Variants in PCDH11X observed in about 807,000 individuals in gnomAD.
PCDH11X encodes the protein protocadherin-11 X-linked.
PCDH11X carries 18 observed loss-of-function variants against 53.3 expected under a neutral mutation model. The observed-to-expected ratio is 0.34, with a 90% CI of 0.23 to 0.50. The LOEUF is 0.50. Among genes scored for constraint, PCDH11X ranks in the 20% least tolerant of loss-of-function variants. The pLI is 0.98. For synonymous variants in PCDH11X, 279 were observed against 393.3 expected (o/e 0.71, Z 3.44); for missense variants, 570 against 1,032.4 (o/e 0.55, Z 6.14).
At chrX:92,497,180 T>C (rs1680109643) in intron 10 of PCDH11X, among the ~76,000 whole-genome samples, 2 of 109,113 alleles carry the variant, frequency 1.8e-5, no homozygotes, top group South Asian at 8.0e-4. Context: ...TTACTAAGTG[T>C]AGGGGAAATT....
chrX:92,462,573 C>A (rs1300794217), intron 9 of PCDH11X, among the ~76,000 whole-genome samples: 2 of 109,989 alleles, frequency 1.8e-5, no homozygotes, highest in Non-Finnish European at 3.8e-5. Flanking sequence ...ATTTTCTTTG[C>A]CAAACTGAAG....
chrX:91,960,429 T>C (rs1442017423), intron 6 of PCDH11X, among the ~76,000 whole-genome samples: 2 of 110,687 alleles, frequency 1.8e-5, no homozygotes, highest in African/African-American at 6.6e-5. Context: ...GTTTGTTTGT[T>C]GTTGTTGTTG....
At chrX:92,422,789 T>A (rs2072002816) in intron 9 of PCDH11X, among the ~76,000 whole-genome samples, 1 of 111,222 alleles carries the variant, frequency 9.0e-6, no homozygotes, top group African/African-American at 3.3e-5. Context: ...GTAAAAGTGT[T>A]CCCTTTTCAC....
At chrX:92,013,130 C>T (rs1351094618) in intron 6 of PCDH11X, among the ~76,000 whole-genome samples, 2 of 111,340 alleles carry the variant, frequency 1.8e-5, no homozygotes, top group African/African-American at 6.5e-5. Flanking sequence ...ATCTAGAATA[C>T]CCCATCGTCT....
intron 9 of PCDH11X, chrX:92,460,078 C>T: frequency 1.1e-5 from 11 of 993,447 alleles, no homozygotes; most frequent in Non-Finnish European, 1.6e-5. Context: ...CCTGAGGGCT[C>T]AGATCTTCGC....
intron 10 of PCDH11X, among the ~76,000 whole-genome samples, chrX:92,614,172 G>A (rs1456476834): frequency 9.1e-6 from 1 of 110,204 alleles, no homozygotes; most frequent in African/African-American, 3.3e-5. Context: ...TTGGTGGAGG[G>A]GTACTGCAAT....
chrX:92,292,478 A>G (rs1022908760), intron 8 of PCDH11X, among the ~76,000 whole-genome samples: 14 of 112,292 alleles, frequency 1.2e-4, no homozygotes, highest in Non-Finnish European at 7.5e-5. Flanking sequence ...TTTTATTGAA[A>G]GAATTCAGAA....
At chrX:91,875,182 T>C (rs1157383575) in intron 5 of PCDH11X, among the ~76,000 whole-genome samples, 1 of 110,332 alleles carries the variant, frequency 9.1e-6, no homozygotes, top group Non-Finnish European at 1.9e-5. Context: ...CAAGTAACAC[T>C]GGACAGGAAT....
rs181476267 is a variant in PCDH11X at position 92,485,680 on chromosome X, C to T, written c.3367+17358C>T. 1.4e-4 allele frequency among the ~76,000 whole-genome samples: 16 copies of T among 111,426 alleles called. No homozygotes were observed. The Admixed American group carries it at 1.5e-3, about 11-fold the overall frequency. ...GTAGTTCTCGAAACTCATTTTTTTT[C>T]TGTCAACACAGCAAAAATTGAAAAT... On this transcript the variant is annotated intron_variant, in intron 10 of 10. Coordinates refer to ENST00000682573, the MANE Select transcript of PCDH11X (RefSeq NM_032968.5).
In PCDH11X at chrX:92,092,900, G is replaced by A. The variant is rs1314105446; in HGVS notation, c.3034-108475G>A. ...GCCTGGTAGGAGGTGATTGGATGATGGGGGCGGTTTCTCATGGTTTACCAC... is the reference window on the plus strand; with the variant it reads ...GCCTGGTAGGAGGTGATTGGATGATAGGGGCGGTTTCTCATGGTTTACCAC... On this transcript the variant is annotated intron_variant, in intron 6 of 10. Transcript: ENST00000682573. 2.7e-5 allele frequency among the ~76,000 whole-genome samples: 3 copies of A among 111,344 alleles called. No homozygotes were observed. In the Admixed American group the frequency reaches 2.9e-4, roughly 11 times the overall value.
intron 8 of PCDH11X, among the ~76,000 whole-genome samples, chrX:92,347,377 GA>G (rs1388373690): frequency 1.5e-4 from 17 of 111,672 alleles, no homozygotes; most frequent in African/African-American, 5.5e-4. Flanking sequence ...TCATAAAGAA[GA>G]CTTTTTTTCT....
chrX:91,892,465 G>A (rs950117502), intron 6 of PCDH11X, among the ~76,000 whole-genome samples: 8 of 110,013 alleles, frequency 7.3e-5, no homozygotes, highest in African/African-American at 2.3e-4. Context: ...ATCTTAACCA[G>A]TTCTACTTGT....
At chrX:92,439,654 T>C (rs35749159) in intron 9 of PCDH11X, among the ~76,000 whole-genome samples, 11,719 of 109,056 alleles carry the variant, frequency 0.11, 521 homozygotes, top group Middle Eastern at 0.16. Context: ...TTTATGAACT[T>C]CTTGAGAGTT....
intron 6 of PCDH11X, among the ~76,000 whole-genome samples, chrX:92,155,617 C>CTTTT (rs775178966): frequency 6.3e-5 from 5 of 79,752 alleles, no homozygotes; most frequent in African/African-American, 1.7e-4. Context: ...ACTTCAATAG[C>CTTTT]TTTTTTTTTT....
At chrX:92,199,608 G>A (rs927575493) in intron 6 of PCDH11X, among the ~76,000 whole-genome samples, 1 of 110,285 alleles carries the variant, frequency 9.1e-6, no homozygotes, top group Non-Finnish European at 1.9e-5. Context: ...GGTCTCAGCA[G>A]TTCTGTATAT....
chrX:92,412,140 G>A (rs2071689230), intron 9 of PCDH11X, among the ~76,000 whole-genome samples: 1 of 90,916 alleles, frequency 1.1e-5, no homozygotes, highest in Non-Finnish European at 2.1e-5. Context: ...AGCAGCAGCA[G>A]CAGAGGAGGA....
At chrX:92,065,699 G>A (rs2148070618) in intron 6 of PCDH11X, among the ~76,000 whole-genome samples, 1 of 109,176 alleles carries the variant, frequency 9.2e-6, no homozygotes, top group Non-Finnish European at 1.9e-5. Context: ...ATTTTTAATT[G>A]GATTGTTAGA....
At chrX:92,346,236 G>A (rs2069893872) in intron 8 of PCDH11X, among the ~76,000 whole-genome samples, 1 of 111,138 alleles carries the variant, frequency 9.0e-6, no homozygotes, top group Non-Finnish European at 1.9e-5. Context: ...GAAAGGAAAG[G>A]TCATAGAATT....
intron 1 of PCDH11X, among the ~76,000 whole-genome samples, 75 bp from the exon 2 acceptor site, chrX:91,809,391 A>G (rs1414607344): frequency 3.6e-5 from 4 of 111,230 alleles, no homozygotes; most frequent in Non-Finnish European, 7.5e-5. Context: ...TAGCCTATTT[A>G]GTATAATATT....
Sources: allele counts gnomAD v4.1 joint callset (sites outside exome capture counted in the v4.1 genomes callset), GRCh38; gene constraint gnomAD v4.1.1; transcripts MANE v1.5; gene names NCBI Gene and HGNC (gene_info 2026-07-23, HGNC 2026-07-21).